Variants in SCHIP1 observed in about 807,000 individuals in gnomAD.
SCHIP1 encodes schwannomin interacting protein 1.
In SCHIP1, 8 loss-of-function variants were observed where a neutral mutation model predicts 29.7. The observed-to-expected ratio is 0.27, with a 90% CI of 0.16 to 0.49. The LOEUF (loss-of-function observed/expected upper bound fraction) is 0.49. Ranked by LOEUF, SCHIP1 falls within the 20% of genes least tolerant of loss-of-function variation. The pLI is 0.99. For synonymous variants in SCHIP1, 76 were observed against 94.9 expected (o/e 0.80, Z 1.16); for missense variants, 193 against 294.6 (o/e 0.66, Z 2.52).
chr3:159,483,703 T>C, the SCHIP1 span, among the ~76,000 whole-genome samples: 360 of 152,328 alleles, frequency 2.4e-3, 2 homozygotes, highest in African/African-American at 8.3e-3. Context: ...TTTTAATCTT[T>C]AGATATTTGT....
At chr3:159,501,828 T>C in the SCHIP1 span, among the ~76,000 whole-genome samples, 1 of 152,204 alleles carries the variant, frequency 6.6e-6, no homozygotes, top group African/African-American at 2.4e-5. Context: ...ATATACATGA[T>C]TATTTGGTTC....
chr3:159,447,723 A>C, the SCHIP1 span, among the ~76,000 whole-genome samples: 1 of 152,222 alleles, frequency 6.6e-6, no homozygotes, highest in Non-Finnish European at 1.5e-5. Context: ...GGTTACAACA[A>C]GTTCACTTTG....
chr3:159,886,166 A>C (rs373222660), intron 2 of SCHIP1, 41 bp from the exon 4 acceptor site: 15 of 1,609,700 alleles, frequency 9.3e-6, no homozygotes, highest in Non-Finnish European at 1.3e-5. Context: ...CCAAATAACA[A>C]ACAGCTAAGT....
chr3:159,458,403 G>A, the SCHIP1 span, among the ~76,000 whole-genome samples: 2 of 152,318 alleles, frequency 1.3e-5, no homozygotes, highest in African/African-American at 2.4e-5. Context: ...CCAGGAGGGC[G>A]ATCTCAGCAG....
chr3:159,394,441 G>A, the SCHIP1 span, among the ~76,000 whole-genome samples: 1 of 152,202 alleles, frequency 6.6e-6, no homozygotes, highest in African/African-American at 2.4e-5. Flanking sequence ...GTATGATATT[G>A]GCTGTGGGTT....
intron 2 of SCHIP1, among the ~76,000 whole-genome samples, chr3:159,881,868 C>T (rs151004979): frequency 0.014 from 2,099 of 152,314 alleles, 47 homozygotes; most frequent in African/African-American, 0.048. Context: ...CAGTCATCTC[C>T]GGTCAGCGAG....
At chr3:159,892,175 T>C (rs1048255362) in exon 6 of SCHIP1, 12 of 1,614,060 alleles carry the variant, frequency 7.4e-6, no homozygotes, top group Non-Finnish European at 1.0e-5. Context: ...CTGGTGGACA[T>C]TGAAGACTTG....
chr3:159,452,648 T>G, the SCHIP1 span, among the ~76,000 whole-genome samples: 1 of 152,200 alleles, frequency 6.6e-6, no homozygotes, highest in East Asian at 1.9e-4. Flanking sequence ...TGGTTTATAA[T>G]CCTTTGAGTA....
At chr3:159,360,226 G>A in the SCHIP1 span, among the ~76,000 whole-genome samples, 1 of 152,114 alleles carries the variant, frequency 6.6e-6, no homozygotes, top group African/African-American at 2.4e-5. Context: ...GATTTTAGCA[G>A]GGCATCAGCA....
chr3:159,749,318 GGCAACAGTGA>G, the SCHIP1 span, among the ~76,000 whole-genome samples: 32 of 151,832 alleles, frequency 2.1e-4, no homozygotes, highest in African/African-American at 7.7e-4. Context: ...ACTCAGCCTG[GGCAACAGTGA>G]GCAAAGTGAG....
the SCHIP1 span, among the ~76,000 whole-genome samples, chr3:159,611,075 C>T: frequency 1.3e-5 from 2 of 152,006 alleles, no homozygotes; most frequent in Non-Finnish European, 2.9e-5. Flanking sequence ...AGCAGTTAGG[C>T]GACTTGGCCA....
chr3:159,793,610 T>C, the SCHIP1 span, among the ~76,000 whole-genome samples: 1 of 152,140 alleles, frequency 6.6e-6, no homozygotes, highest in African/African-American at 2.4e-5. Flanking sequence ...CAGGCTTGAG[T>C]GCAGTGGTGT....
the SCHIP1 span, among the ~76,000 whole-genome samples, chr3:159,533,856 T>G: frequency 6.6e-6 from 1 of 152,206 alleles, no homozygotes; most frequent in African/African-American, 2.4e-5. Flanking sequence ...ACTTTTAATT[T>G]TTAGGATCTA....
chr3:159,626,133 GATAGATAT>G, the SCHIP1 span, among the ~76,000 whole-genome samples: 1,665 of 105,052 alleles, frequency 0.016, 116 homozygotes, highest in African/African-American at 0.084. Flanking sequence ...TAGATAGATA[GATAGATAT>G]ATCTAGATAT....
At chr3:159,545,212 G>C in the SCHIP1 span, among the ~76,000 whole-genome samples, 3 of 151,996 alleles carry the variant, frequency 2.0e-5, no homozygotes, top group Non-Finnish European at 4.4e-5. Flanking sequence ...GTGTCAACTT[G>C]ATTAGATTGA....
At chr3:159,667,086 A>G in the SCHIP1 span, among the ~76,000 whole-genome samples, 4 of 152,260 alleles carry the variant, frequency 2.6e-5, no homozygotes, top group African/African-American at 9.6e-5. Flanking sequence ...GTAAGCCCTC[A>G]GTATATGTTT....
At chr3:159,555,067 T>G in the SCHIP1 span, among the ~76,000 whole-genome samples, 1 of 152,188 alleles carries the variant, frequency 6.6e-6, no homozygotes, top group Non-Finnish European at 1.5e-5. Context: ...GCATTTAATC[T>G]CTGCATAATT....
the SCHIP1 span, among the ~76,000 whole-genome samples, chr3:159,413,868 A>AT: frequency 6.7e-3 from 1,016 of 152,270 alleles, 10 homozygotes; most frequent in South Asian, 0.032. Flanking sequence ...ACAATTCAAT[A>AT]TTTTTTATAC....
chr3:159,757,516 T>C, the SCHIP1 span, among the ~76,000 whole-genome samples: 1 of 152,092 alleles, frequency 6.6e-6, no homozygotes, highest in Non-Finnish European at 1.5e-5. Context: ...TCAGATGCCT[T>C]TGTGCTGTGT....
Sources: gnomAD v4.1 joint callset for allele counts (sites outside exome capture counted in the v4.1 genomes callset) on GRCh38, gnomAD v4.1.1 for gene constraint, MANE v1.5 for transcripts, NCBI Gene and HGNC (gene_info 2026-07-23, HGNC 2026-07-21) for gene names.